Variants in SHTN1 observed in about 807,000 individuals in gnomAD.
SHTN1 encodes the protein shootin 1, also known as shootin-1.
A neutral mutation model predicts 83.1 loss-of-function variants in SHTN1; 42 were observed. That is an observed-to-expected ratio of 0.51 (90% CI 0.39 to 0.65). The LOEUF (loss-of-function observed/expected upper bound fraction) is 0.65. Among genes scored for constraint, SHTN1 ranks in the 30% least tolerant of loss-of-function variants. The probability of loss-of-function intolerance (pLI) is 0.00; values close to 1 mark genes in which losing one functional copy is unlikely to be tolerated. For synonymous variants in SHTN1, 224 were observed against 247.7 expected (o/e 0.90, Z 0.90); for missense variants, 622 against 737.8 (o/e 0.84, Z 1.82).
chr10:116,907,929 T>A (rs750479615), intron 14 of SHTN1: 6 of 517,252 alleles, frequency 1.2e-5, no homozygotes, highest in South Asian at 8.5e-5. Flanking sequence ...CCTGAAGGAT[T>A]CTAATAATTC....
intron 2 of SHTN1, among the ~76,000 whole-genome samples, chr10:117,017,896 TC>T (rs1852204111): frequency 6.6e-6 from 1 of 152,156 alleles, no homozygotes; most frequent in South Asian, 2.1e-4. Context: ...GTGGTATTTT[TC>T]CTAAAACCCA....
chr10:117,121,122 A>G (rs1853918378), intron 1 of SHTN1, among the ~76,000 whole-genome samples: 1 of 152,130 alleles, frequency 6.6e-6, no homozygotes, highest in Non-Finnish European at 1.5e-5. Context: ...AAATTATATA[A>G]ATGTATTAAA....
At chr10:116,997,264 A>C (rs185916331) in intron 1 of SHTN1, among the ~76,000 whole-genome samples, 1 of 152,250 alleles carries the variant, frequency 6.6e-6, no homozygotes, top group Non-Finnish European at 1.5e-5. Flanking sequence ...CTTTGTCCTA[A>C]CACTTTTCTA....
intron 1 of SHTN1, among the ~76,000 whole-genome samples, chr10:116,983,230 T>C (rs1473496298): frequency 5.3e-5 from 8 of 152,158 alleles, no homozygotes; most frequent in Non-Finnish European, 1.0e-4. Flanking sequence ...ACATCTCTCA[T>C]AGTGTTGTTA....
intron 1 of SHTN1, among the ~76,000 whole-genome samples, chr10:117,057,777 A>G (rs942976326): frequency 6.6e-6 from 1 of 152,156 alleles, no homozygotes; most frequent in Non-Finnish European, 1.5e-5. Context: ...AAGCACAAAC[A>G]CACAGCAAAC....
At chr10:117,099,348 C>CA (rs1853555904) in intron 1 of SHTN1, among the ~76,000 whole-genome samples, 1 of 150,302 alleles carries the variant, frequency 6.7e-6, no homozygotes, top group Admixed American at 6.6e-5. Flanking sequence ...ATCTATATAA[C>CA]CAAAAAAAAA....
intron 1 of SHTN1, among the ~76,000 whole-genome samples, chr10:116,987,166 G>A (rs1222542897): frequency 6.6e-6 from 1 of 152,048 alleles, no homozygotes; most frequent in African/African-American, 2.4e-5. Context: ...CCCAACGCCA[G>A]CCCCCACTAG....
chr10:117,105,683 G>T (rs1472837960), intron 1 of SHTN1, among the ~76,000 whole-genome samples: 5 of 152,172 alleles, frequency 3.3e-5, no homozygotes, highest in South Asian at 2.1e-4. Flanking sequence ...TTATTTTTCA[G>T]ACTTTCTGGT....
chr10:117,063,676 C>A (rs1852932831), intron 1 of SHTN1, among the ~76,000 whole-genome samples: 1 of 152,070 alleles, frequency 6.6e-6, no homozygotes, highest in African/African-American at 2.4e-5. Context: ...TCCCAACTAC[C>A]CCCAGGCCTC....
chr10:116,939,363 T>C (rs377214909), intron 9 of SHTN1, among the ~76,000 whole-genome samples: 2 of 152,184 alleles, frequency 1.3e-5, no homozygotes, highest in African/African-American at 4.8e-5. Flanking sequence ...GTATCTGGGC[T>C]GGAGAGCACC....
chr10:117,082,709 T>G (rs1853289223), intron 1 of SHTN1, among the ~76,000 whole-genome samples: 1 of 150,648 alleles, frequency 6.6e-6, no homozygotes, highest in Non-Finnish European at 1.5e-5. Context: ...GCTTTATGAA[T>G]CTGGGTGCTC....
chr10:117,023,036 C>T (rs1281255349), intron 2 of SHTN1, among the ~76,000 whole-genome samples: 1 of 152,196 alleles, frequency 6.6e-6, no homozygotes, highest in Non-Finnish European at 1.5e-5. Flanking sequence ...GCCAGGTCTG[C>T]TTAATTTGAC....
chr10:117,043,259 G>A (rs1219756533), intron 2 of SHTN1, among the ~76,000 whole-genome samples: 2 of 151,558 alleles, frequency 1.3e-5, no homozygotes, highest in East Asian at 1.9e-4. Context: ...TCAGCCTCCC[G>A]AGTAGCTGGG....
At chr10:117,113,041 C>A (rs992261411) in intron 1 of SHTN1, among the ~76,000 whole-genome samples, 1 of 152,222 alleles carries the variant, frequency 6.6e-6, no homozygotes, top group African/African-American at 2.4e-5. Context: ...TAATGTCAGA[C>A]AGGCATGAAT....
chr10:117,120,676 G>C (rs985389999), intron 1 of SHTN1, among the ~76,000 whole-genome samples: 2 of 152,144 alleles, frequency 1.3e-5, no homozygotes, highest in Admixed American at 1.3e-4. Flanking sequence ...CTATGGTTTG[G>C]TAGAAGAAAC....
chr10:116,918,980 C>A (rs1848463063), intron 12 of SHTN1, among the ~76,000 whole-genome samples: 1 of 152,128 alleles, frequency 6.6e-6, no homozygotes, highest in Non-Finnish European at 1.5e-5. Context: ...ATATTATAGT[C>A]TTTCTTTACA....
chr10:117,117,867 C>A (rs1178072147), intron 1 of SHTN1, among the ~76,000 whole-genome samples: 1 of 152,184 alleles, frequency 6.6e-6, no homozygotes, highest in East Asian at 1.9e-4. Context: ...AGACCCCTAT[C>A]TCTCACCATA....
chr10:117,063,027 G>T (rs1316773078), intron 1 of SHTN1, among the ~76,000 whole-genome samples: 1 of 152,182 alleles, frequency 6.6e-6, no homozygotes, highest in Non-Finnish European at 1.5e-5. Context: ...ACCATAAATG[G>T]AGATGGCTTT....
intron 1 of SHTN1, among the ~76,000 whole-genome samples, chr10:117,106,790 G>A (rs567141866): frequency 1.3e-5 from 2 of 152,182 alleles, no homozygotes; most frequent in South Asian, 4.2e-4. Flanking sequence ...CTTTGACCAT[G>A]GTGCATGTTT....
Sources: gnomAD v4.1 joint callset for allele counts (sites outside exome capture counted in the v4.1 genomes callset) on GRCh38, gnomAD v4.1.1 for gene constraint, MANE v1.5 for transcripts, NCBI Gene and HGNC (gene_info 2026-07-23, HGNC 2026-07-21) for gene names.